PARN: variants seen among roughly 807,000 people sequenced by gnomAD.
PARN encodes the protein poly(A)-specific ribonuclease.
A neutral mutation model predicts 102.8 loss-of-function variants in PARN; 71 were observed. The ratio of observed to expected loss-of-function variants is 0.69; its 90% confidence interval spans 0.57 to 0.84. PARN has a LOEUF of 0.84. PARN is among the 40% of genes least tolerant of loss of function. PARN has a pLI of 0.00. For missense variants in PARN, 782 were observed against 760.9 expected, an observed-to-expected ratio of 1.03 and a Z score of -0.33; for synonymous variants, 261 against 252.9, an observed-to-expected ratio of 1.03 and a Z score of -0.30.
chr16:14,608,097 G>A, intron 9 of PARN, 184 bp downstream of exon 9: 1 of 614,480 alleles, frequency 1.6e-6, no homozygotes, highest in Non-Finnish European at 2.9e-6. Context: ...TAAAGCATCT[G>A]TTAAAAAACA....
intron 21 of PARN, among the ~76,000 whole-genome samples, chr16:14,525,427 A>G (rs954037442): frequency 6.6e-6 from 1 of 152,178 alleles, no homozygotes; most frequent in Non-Finnish European, 1.5e-5. Context: ...AGGGAACCCA[A>G]TTATTCCCAG....
At chr16:14,600,070 G>A in intron 11 of PARN, 110 bp from the exon 12 acceptor site, 2 of 588,568 alleles carry the variant, frequency 3.4e-6, no homozygotes, top group Non-Finnish European at 5.7e-6. Flanking sequence ...AAGTTAGATA[G>A]CTTTAGTTTC....
intron 6 of PARN, 140 bp from the exon 7 acceptor site, chr16:14,610,949 A>T (rs1280570427): frequency 8.0e-6 from 5 of 626,852 alleles, no homozygotes; most frequent in Non-Finnish European, 1.4e-5. Context: ...AGAAAGGCAA[A>T]TGATTTTGAA....
In PARN at chr16:14,436,517, C is replaced by G. The variant is rs559054223; in HGVS notation, c.*200G>C. ...CTACAACCGTGATGAGTGTCAATGT[C>G]AACAGGCAGTTAGATTAAAAAGGGG... is the stretch of plus-strand genomic sequence containing the variant. On this transcript the variant is annotated 3_prime_UTR_variant, in exon 24 of 24. Transcript: ENST00000437198. 7.0e-5 allele frequency: 42 copies of G among 602,298 alleles called. No homozygotes were observed. The Admixed American group carries it at 1.2e-3, about 17-fold the overall frequency. The allele number at this position is 602,298 out of a possible 1,614,324, so 37.3% of individuals were successfully genotyped here.
At position 14,436,712 on chromosome 16, in the gene PARN, C is replaced by A. The variant is rs1189207660; in HGVS notation, c.*5G>T. The A allele has an allele frequency of 6.3e-7, 1 of 1,598,440 alleles. No individual in the cohort carries two copies. Among genetic ancestry groups the A allele is most frequent in the Non-Finnish European group, 8.5e-7 (1 of 1,171,964 alleles). On this transcript the variant is annotated 3_prime_UTR_variant, in exon 24 of 24. Coordinates refer to ENST00000437198, the MANE Select transcript of PARN (RefSeq NM_002582.4). Reference sequence around the variant, plus strand: ...CACCAGCGGTTTGCTGCCCTCAGGTCTTGGTTACCATGTGTCAGGAACTTC... The same window carrying A: ...CACCAGCGGTTTGCTGCCCTCAGGTATTGGTTACCATGTGTCAGGAACTTC...
chr16:14,537,805 G>T (rs559193903), intron 21 of PARN, among the ~76,000 whole-genome samples: 5 of 152,084 alleles, frequency 3.3e-5, no homozygotes, highest in Non-Finnish European at 5.9e-5. Flanking sequence ...ATAGAGAGAC[G>T]CTGGTTAATG....
intron 21 of PARN, among the ~76,000 whole-genome samples, chr16:14,489,437 CAAAAAAAAAA>C (rs770783306): frequency 1.7e-5 from 1 of 59,440 alleles, no homozygotes; most frequent in Non-Finnish European, 3.5e-5. Context: ...GAGAGAGACT[CAAAAAAAAAA>C]AAAAAAAAAA....
At chr16:14,562,091 G>A (rs1430351261) in intron 18 of PARN, among the ~76,000 whole-genome samples, 3 of 152,188 alleles carry the variant, frequency 2.0e-5, no homozygotes, top group Non-Finnish European at 2.9e-5. Context: ...GGCAGAGGTT[G>A]CACCATTACA....
chr16:14,526,253 T>C (rs542661117), intron 21 of PARN, among the ~76,000 whole-genome samples: 1 of 151,440 alleles, frequency 6.6e-6, no homozygotes, highest in East Asian at 1.9e-4. Flanking sequence ...CTCGGCTCAC[T>C]GCAAGCTCCG....
chr16:14,514,898 T>G (rs892583796), intron 21 of PARN, among the ~76,000 whole-genome samples: 2 of 152,182 alleles, frequency 1.3e-5, no homozygotes, highest in Non-Finnish European at 1.5e-5. Context: ...TAAATAAGGC[T>G]GCACGGGGAA....
At chr16:14,531,806 AG>A (rs1966345701) in intron 21 of PARN, among the ~76,000 whole-genome samples, 2 of 152,152 alleles carry the variant, frequency 1.3e-5, no homozygotes, top group African/African-American at 4.8e-5. Flanking sequence ...TTCTTTCAAA[AG>A]CCCCAGACTT....
At chr16:14,451,109 T>A (rs1478403751) in intron 22 of PARN, among the ~76,000 whole-genome samples, 3 of 152,186 alleles carry the variant, frequency 2.0e-5, no homozygotes, top group Non-Finnish European at 4.4e-5. Flanking sequence ...TATATAGGTT[T>A]ACCTAATGAA....
intron 19 of PARN, among the ~76,000 whole-genome samples, chr16:14,554,472 C>T (rs1967535502): frequency 6.6e-6 from 1 of 150,704 alleles, no homozygotes; most frequent in African/African-American, 2.4e-5. Context: ...GCCTTGTCAT[C>T]CAGGCTAGAG....
Position 14,627,319 on chromosome 16 carries a change from C to G in PARN, c.195G>C (p.Leu65Phe). 1 of 1,589,754 alleles carries G rather than the reference C, an allele frequency of 6.3e-7. No individual in the cohort carries two copies. The highest frequency in any genetic ancestry group is 8.6e-7 in the Non-Finnish European group (1 of 1,167,176). ...AAGTGCAAAGGCCAAACTGAAATAGCAAAAAGTCCATGGAATGCTGGAAAA... is the reference window on the plus strand; with the variant it reads ...AAGTGCAAAGGCCAAACTGAAATAGGAAAAAGTCCATGGAATGCTGGAAAA... Reference protein sequence around the residue: ...QKLKKHSMDFLLFQFGLCTFK... With the variant: ...QKLKKHSMDFFLFQFGLCTFK... The change falls in exon 4 of 24, where the codon TTG becomes TTC. Residue 65 changes from leucine to phenylalanine, a missense_variant. Physicochemically the swap from Leu to Phe is conservative, Grantham distance 22. Coordinates refer to ENST00000437198, the MANE Select transcript of PARN (RefSeq NM_002582.4).
At chr16:14,584,219 T>C (rs911550131) in intron 16 of PARN, 128 bp downstream of exon 16, 2 of 630,552 alleles carry the variant, frequency 3.2e-6, no homozygotes, top group Non-Finnish European at 5.7e-6. Context: ...ACACGGTACG[T>C]GCAAGTGAAT....
chr16:14,558,171 G>A (rs1375526562), intron 18 of PARN, among the ~76,000 whole-genome samples: 2 of 152,122 alleles, frequency 1.3e-5, no homozygotes, highest in Admixed American at 1.3e-4. Flanking sequence ...ACTGGCTCAC[G>A]CCTGTAATCC....
intron 21 of PARN, among the ~76,000 whole-genome samples, chr16:14,489,705 G>C (rs1023325982): frequency 1.3e-5 from 2 of 152,190 alleles, no homozygotes; most frequent in African/African-American, 4.8e-5. Flanking sequence ...TTCTTAGAGG[G>C]TTGAAACCAG....
intron 23 of PARN, among the ~76,000 whole-genome samples, chr16:14,443,363 A>G (rs1230908013): frequency 1.3e-5 from 2 of 149,252 alleles, no homozygotes; most frequent in African/African-American, 4.9e-5. Context: ...TTTTTGAGAC[A>G]GAGTTTCGCT....
intron 3 of PARN, among the ~76,000 whole-genome samples, 197 bp downstream of exon 3, chr16:14,627,975 C>T (rs866789090): frequency 4.6e-5 from 7 of 152,038 alleles, no homozygotes; most frequent in Middle Eastern, 3.2e-3. Context: ...GCCACTGCAC[C>T]CCAGCCTGGG....
Sources: allele counts gnomAD v4.1 joint callset (sites outside exome capture counted in the v4.1 genomes callset), GRCh38; gene constraint gnomAD v4.1.1; transcripts MANE v1.5; gene names NCBI Gene and HGNC (gene_info 2026-07-23, HGNC 2026-07-21).